PITPNC1: variants seen among roughly 807,000 people sequenced by gnomAD.
The protein encoded by PITPNC1 is phosphatidylinositol transfer protein cytoplasmic 1.
In PITPNC1, 18 loss-of-function variants were observed where a neutral mutation model predicts 44.7. The ratio of observed to expected loss-of-function variants is 0.40; its 90% confidence interval spans 0.28 to 0.60. PITPNC1 has a LOEUF of 0.60. PITPNC1 is among the 20% of genes least tolerant of loss of function. The pLI, the probability that PITPNC1 is intolerant of heterozygous loss-of-function variation, is 0.39. For missense variants in PITPNC1, 290 were observed against 418.4 expected (o/e 0.69, Z 2.68); for synonymous variants, 141 against 149.6 (o/e 0.94, Z 0.42).
Position 67,692,977 on chromosome 17 carries a change from T to C in PITPNC1, c.*89T>C. 1.2e-6 allele frequency: 1 copy of C among 844,842 alleles called. No homozygotes were observed. The highest frequency in any genetic ancestry group is 1.9e-6 in the Non-Finnish European group (1 of 528,260). 52.3% of individuals were successfully genotyped at this position (844,842 alleles called of 1,614,324 possible). A position where few individuals can be genotyped will look rare whatever the true frequency, so the allele number is the denominator to read the frequency against. ...TCTTCTGATAGAGAAAAAGACTGCT[T>C]TGTCACTCAAACATGTTCCTTCGAC... On this transcript the variant is annotated 3_prime_UTR_variant, in exon 9 of 9. Coordinates refer to ENST00000581322, the MANE Select transcript of PITPNC1 (RefSeq NM_012417.4).
At chr17:67,633,061 G>A (rs1183807367) in intron 6 of PITPNC1, among the ~76,000 whole-genome samples, 4 of 152,092 alleles carry the variant, frequency 2.6e-5, no homozygotes, top group Non-Finnish European at 5.9e-5. Context: ...CTTGTTATAC[G>A]GTTTGTGCAA....
chr17:67,520,560 CCT>C (rs1481026787), intron 1 of PITPNC1, among the ~76,000 whole-genome samples: 2 of 152,182 alleles, frequency 1.3e-5, no homozygotes, highest in African/African-American at 2.4e-5. Flanking sequence ...AAGAAATCCC[CCT>C]CTTTGCCAGA....
rs138174086 is a variant in PITPNC1 at position 67,491,009 on chromosome 17, G to C, written c.49-41793G>C. 1.4e-3 allele frequency among the ~76,000 whole-genome samples: 218 copies of C among 152,352 alleles called. 1 individual carries two copies. The highest frequency in any genetic ancestry group is 3.4e-3 in the Middle Eastern group (1 of 294). ...TTAGCACAGCTAATACAGTGGAATT[G>C]TGATGCCAGGGTCTATTAGTGTAGA... On this transcript the variant is annotated intron_variant, in intron 1 of 8. Transcript: ENST00000581322.
intron 6 of PITPNC1, among the ~76,000 whole-genome samples, chr17:67,636,546 G>A (rs1462708021): frequency 6.6e-6 from 1 of 152,178 alleles, no homozygotes; most frequent in East Asian, 1.9e-4. Context: ...TGGAACAGGT[G>A]GAATTCCTCC....
At chr17:67,609,957 C>T (rs1421526370) in intron 5 of PITPNC1, among the ~76,000 whole-genome samples, 3 of 152,156 alleles carry the variant, frequency 2.0e-5, no homozygotes, top group African/African-American at 4.8e-5. Context: ...CAATCTCACA[C>T]TAAACCCATA....
At position 67,694,702 on chromosome 17, in the gene PITPNC1, A is replaced by G. The variant is rs1382306611; in HGVS notation, c.*1814A>G. ...ACAGTGTATCTCTTCCCTAAGAATG[A>G]TAGTATCTTAGTAAGACACCTTCTA... On this transcript the variant is annotated 3_prime_UTR_variant, in exon 9 of 9. Coordinates refer to ENST00000581322, the MANE Select transcript of PITPNC1 (RefSeq NM_012417.4). 1 of 152,230 alleles carries G rather than the reference A, an allele frequency of 6.6e-6. No homozygotes were observed. The highest frequency in any genetic ancestry group is 1.5e-5 in the Non-Finnish European group (1 of 68,032). 9.4% of individuals were successfully genotyped at this position (152,230 alleles called of 1,614,324 possible).
chr17:67,407,708 C>T (rs537961553), intron 1 of PITPNC1, among the ~76,000 whole-genome samples: 1 of 151,816 alleles, frequency 6.6e-6, no homozygotes, highest in South Asian at 2.1e-4. Context: ...CAACCTGAAT[C>T]GCTTGAACCC....
chr17:67,465,972 C>T (rs1012518323), intron 1 of PITPNC1, among the ~76,000 whole-genome samples: 11 of 148,306 alleles, frequency 7.4e-5, no homozygotes, highest in Non-Finnish European at 1.0e-4. Context: ...GTTTCCCCCC[C>T]GTCAGGCAAG....
intron 5 of PITPNC1, among the ~76,000 whole-genome samples, chr17:67,596,360 G>A (rs2041459793): frequency 6.6e-6 from 1 of 151,860 alleles, no homozygotes; most frequent in Non-Finnish European, 1.5e-5. Flanking sequence ...GGGGCTTTTG[G>A]TAACAGTTTA....
chr17:67,641,757 G>A (rs546084116), intron 6 of PITPNC1, among the ~76,000 whole-genome samples: 3 of 149,424 alleles, frequency 2.0e-5, no homozygotes, highest in Admixed American at 6.7e-5. Context: ...CTGAGATCCC[G>A]GGCAGCAGAG....
chr17:67,658,969 AG>A, intron 6 of PITPNC1, among the ~76,000 whole-genome samples: 1 of 152,332 alleles, frequency 6.6e-6, no homozygotes, highest in East Asian at 1.9e-4. Context: ...GTCAAAAGAC[AG>A]ATGGGGAAAG....
At position 67,692,995 on chromosome 17, in the gene PITPNC1, C is replaced by T. The variant is rs1567785732; in HGVS notation, c.*107C>T. ...GACTGCTTTGTCACTCAAACATGTT[C>T]CTTCGACCTTTCAGTGTGCATGTGA... On this transcript the variant is annotated 3_prime_UTR_variant, in exon 9 of 9. Coordinates refer to ENST00000581322, the MANE Select transcript of PITPNC1 (RefSeq NM_012417.4). The T allele has an allele frequency of 1.4e-6, 1 of 722,752 alleles. No homozygotes were observed. The highest frequency in any genetic ancestry group is 1.8e-5 in the South Asian group (1 of 55,142). 44.8% of individuals were successfully genotyped at this position (722,752 alleles called of 1,614,324 possible).
At chr17:67,445,400 A>G (rs1482188853) in intron 1 of PITPNC1, among the ~76,000 whole-genome samples, 2 of 152,034 alleles carry the variant, frequency 1.3e-5, no homozygotes, top group Non-Finnish European at 2.9e-5. Context: ...TCAAAGCGCC[A>G]TATTTTGGGA....
chr17:67,495,500 A>G (rs34733263), intron 1 of PITPNC1, among the ~76,000 whole-genome samples: 7,660 of 152,244 alleles, frequency 0.05, 257 homozygotes, highest in Middle Eastern at 0.11. Context: ...CCTAGTAGCC[A>G]GTAGATACGT....
intron 1 of PITPNC1, among the ~76,000 whole-genome samples, chr17:67,524,108 C>T (rs2040365252): frequency 6.6e-6 from 1 of 152,130 alleles, no homozygotes; most frequent in Non-Finnish European, 1.5e-5. Context: ...CTGCGCCCAG[C>T]CTAAATTTTC....
At chr17:67,379,156 A>G (rs1355093096) in intron 1 of PITPNC1, 1 of 985,828 alleles carries the variant, frequency 1.0e-6, no homozygotes, top group African/African-American at 1.7e-5. Context: ...GGGAGCCCAA[A>G]GCCAAGCAAG....
chr17:67,604,989 G>A (rs1389423605), intron 5 of PITPNC1, among the ~76,000 whole-genome samples: 1 of 152,052 alleles, frequency 6.6e-6, no homozygotes. Context: ...TGAGGCAGGA[G>A]AATCGTTTGA....
rs962064123 is a variant in PITPNC1 at position 67,580,822 on chromosome 17, A to T, written c.366+2565A>T. On this transcript the variant is annotated intron_variant, in intron 5 of 8. Transcript: ENST00000581322. ...CCAGCACTCTGGTAGGCTGTGGTGG[A>T]CGGATCACCTGATGTCAGGAGTTTG... Among the ~76,000 whole-genome samples the T allele has an allele frequency of 3.3e-5, 5 of 152,190 alleles. No homozygotes were observed. The East Asian group carries it at 9.7e-4, about 29-fold the overall frequency.
intron 1 of PITPNC1, among the ~76,000 whole-genome samples, chr17:67,393,231 T>TAA (rs1181562631): frequency 6.6e-6 from 1 of 152,096 alleles, no homozygotes; most frequent in Admixed American, 6.6e-5. Context: ...TGGGTACACT[T>TAA]ACATTGTTGT....
Sources: gnomAD v4.1 joint callset for allele counts (sites outside exome capture counted in the v4.1 genomes callset) on GRCh38, gnomAD v4.1.1 for gene constraint, MANE v1.5 for transcripts, NCBI Gene and HGNC (gene_info 2026-07-23, HGNC 2026-07-21) for gene names.